The following PCSK6 variants were observed in gnomAD, a reference collection of about 807,000 sequenced individuals.
PCSK6 encodes proprotein convertase subtilisin/kexin type 6.
A neutral mutation model predicts 123.3 loss-of-function variants in PCSK6; 85 were observed. That is an observed-to-expected ratio of 0.69 (90% confidence interval 0.58 to 0.83). PCSK6 has a LOEUF of 0.83. Ranked by LOEUF, PCSK6 falls within the 40% of genes least tolerant of loss-of-function variation. The pLI is 0.00. For missense variants in PCSK6, 1,191 were observed against 1,282.3 expected (o/e 0.93, Z 1.09); for synonymous variants, 508 against 516.0 (o/e 0.98, Z 0.21).
At chr15:101,374,053 C>T (rs938396749) in intron 11 of PCSK6, among the ~76,000 whole-genome samples, 11 of 152,178 alleles carry the variant, frequency 7.2e-5, no homozygotes, top group Non-Finnish European at 1.5e-5. Flanking sequence ...GGAGACCGTG[C>T]GTTGTTGAAG....
rs1442153415 is a variant in PCSK6 at position 101,361,553 on chromosome 15, C to T, written c.1858+4643G>A. Among the ~76,000 whole-genome samples, 7 of 152,186 alleles carry T rather than the reference C, an allele frequency of 4.6e-5. No individual in the cohort carries two copies. In the East Asian group the frequency reaches 1.4e-3, roughly 29 times the overall value. On this transcript the variant is annotated intron_variant, in intron 13 of 21. Coordinates refer to ENST00000611716, the MANE Select transcript of PCSK6 (RefSeq NM_002570.5). Reference sequence around the variant, plus strand: ...AAGGAGGGAGCAGCACGTGCCAAGGCCCCATGGAGGTAAGACCAGGCATGT... The same window carrying T: ...AAGGAGGGAGCAGCACGTGCCAAGGTCCCATGGAGGTAAGACCAGGCATGT...
rs1178117284 is a variant in PCSK6 at position 101,334,244 on chromosome 15, A to C, written c.1859-2213T>G. ...CTCACCGCTGCAGCAGTGACACAGGAAGTTGTTCTCACCGCTGCAGCAGTG... is the reference window on the plus strand; with the variant it reads ...CTCACCGCTGCAGCAGTGACACAGGCAGTTGTTCTCACCGCTGCAGCAGTG... On this transcript the variant is annotated intron_variant, in intron 13 of 21. Coordinates refer to ENST00000611716, the MANE Select transcript of PCSK6 (RefSeq NM_002570.5). 8 of 130,616 alleles carry C rather than the reference A, an allele frequency of 6.1e-5. No individual in the cohort carries two copies. The Admixed American group carries it at 6.1e-4, about 10-fold the overall frequency. The allele number at this position is 130,616 out of a possible 1,614,324, so 8.1% of individuals were successfully genotyped here. A position where few individuals can be genotyped will look rare whatever the true frequency, so the allele number is the denominator to read the frequency against.
chr15:101,333,565 A>G (rs987482125), intron 13 of PCSK6, among the ~76,000 whole-genome samples: 6 of 152,202 alleles, frequency 3.9e-5, no homozygotes, highest in African/African-American at 1.4e-4. Flanking sequence ...TTTTCTCAAC[A>G]CTTACCTCTG....
intron 18 of PCSK6, among the ~76,000 whole-genome samples, chr15:101,320,777 A>G (rs1348877853): frequency 6.6e-6 from 1 of 152,220 alleles, no homozygotes; most frequent in Non-Finnish European, 1.5e-5. Context: ...TGCAGTGATT[A>G]GAAGTCACAG....
At chr15:101,357,666 C>T (rs1366699518) in intron 13 of PCSK6, among the ~76,000 whole-genome samples, 2 of 152,244 alleles carry the variant, frequency 1.3e-5, no homozygotes, top group African/African-American at 4.8e-5. Context: ...CCTGGCGTGG[C>T]CTCACAGGCA....
At chr15:101,432,309 A>C (rs2056471237) in intron 2 of PCSK6, among the ~76,000 whole-genome samples, 1 of 152,090 alleles carries the variant, frequency 6.6e-6, no homozygotes, top group Non-Finnish European at 1.5e-5. Context: ...AAGAAATAAC[A>C]CCACTCTGAT....
At chr15:101,476,524 CA>C (rs3031709) in intron 1 of PCSK6, among the ~76,000 whole-genome samples, 14 of 138,564 alleles carry the variant, frequency 1.0e-4, no homozygotes, top group African/African-American at 1.6e-4. Context: ...TAGGTAGGTC[CA>C]AAAAAAAAAA....
At chr15:101,327,941 T>C (rs1384563) in intron 15 of PCSK6, among the ~76,000 whole-genome samples, 152,280 of 152,286 alleles carry the variant, frequency 1, 76,137 homozygotes, top group Middle Eastern at 1. Context: ...CAGATGCCAC[T>C]CACCATTTCT....
intron 13 of PCSK6, among the ~76,000 whole-genome samples, chr15:101,332,479 T>C (rs2040392521): frequency 6.6e-6 from 1 of 152,118 alleles, no homozygotes; most frequent in South Asian, 2.1e-4. Flanking sequence ...CATCCAAGTG[T>C]GATAACTGGG....
At chr15:101,458,904 C>T (rs969041695) in intron 1 of PCSK6, among the ~76,000 whole-genome samples, 1 of 152,188 alleles carries the variant, frequency 6.6e-6, no homozygotes, top group Admixed American at 6.5e-5. Flanking sequence ...AACAAACTGC[C>T]TTCCATTTCA....
rs370943476 is a variant in PCSK6 at position 101,488,409 on chromosome 15, G to A, written c.297+965C>T. ...TTGAGAGAGGAAAAAGGGACCCGCCGGGAGGTCCTTTGAGGGTAATGCCGC... is the reference window on the plus strand; with the variant it reads ...TTGAGAGAGGAAAAAGGGACCCGCCAGGAGGTCCTTTGAGGGTAATGCCGC... On this transcript the variant is annotated intron_variant, in intron 1 of 21. Coordinates refer to ENST00000611716, the MANE Select transcript of PCSK6 (RefSeq NM_002570.5). Among the ~76,000 whole-genome samples, 9 of 152,306 alleles carry A rather than the reference G, an allele frequency of 5.9e-5. No individual in the cohort carries two copies. In the East Asian group the frequency reaches 1.2e-3, roughly 20 times the overall value.
chr15:101,381,011 C>T (rs982697263), intron 11 of PCSK6, among the ~76,000 whole-genome samples: 8 of 151,990 alleles, frequency 5.3e-5, no homozygotes, highest in Admixed American at 5.2e-4. Flanking sequence ...ATTTCCTCTC[C>T]TAGTGGGCTA....
chr15:101,455,005 C>T (rs768340702), intron 1 of PCSK6, among the ~76,000 whole-genome samples: 13 of 148,462 alleles, frequency 8.8e-5, no homozygotes, highest in Middle Eastern at 3.5e-3. Context: ...TAAAAGGGTA[C>T]AGAGTTTCAG....
intron 10 of PCSK6, chr15:101,383,995 T>G: frequency 1.9e-6 from 1 of 533,528 alleles, no homozygotes; most frequent in Non-Finnish European, 2.4e-6. Flanking sequence ...TCAACTTCCC[T>G]AGTAGCTGCG....
At chr15:101,439,718 T>A (rs988912849) in intron 2 of PCSK6, among the ~76,000 whole-genome samples, 1 of 152,256 alleles carries the variant, frequency 6.6e-6, no homozygotes, top group African/African-American at 2.4e-5. Flanking sequence ...ATTGCATCAC[T>A]GCTGGAAGGA....
At chr15:101,409,450 T>C (rs897700614) in intron 6 of PCSK6, among the ~76,000 whole-genome samples, 2 of 151,868 alleles carry the variant, frequency 1.3e-5, no homozygotes, top group Non-Finnish European at 2.9e-5. Context: ...CCGGGCGCGG[T>C]GGCGGGCGCC....
chr15:101,431,536 C>G, intron 3 of PCSK6, 73 bp from the exon 4 acceptor site: 1 of 1,589,442 alleles, frequency 6.3e-7, no homozygotes, highest in Non-Finnish European at 8.6e-7. Context: ...CGGTGCACAC[C>G]CCACAGGGAG....
intron 1 of PCSK6, among the ~76,000 whole-genome samples, chr15:101,485,842 A>G (rs2058007489): frequency 6.6e-6 from 1 of 152,190 alleles, no homozygotes; most frequent in South Asian, 2.1e-4. Flanking sequence ...CATATTCCAC[A>G]TTAAATCTTG....
intron 1 of PCSK6, among the ~76,000 whole-genome samples, chr15:101,456,914 T>C (rs1053595024): frequency 5.3e-5 from 8 of 152,122 alleles, no homozygotes; most frequent in African/African-American, 1.9e-4. Context: ...CAGTGGCTCA[T>C]GCCTGTAATC....
Sources: allele counts gnomAD v4.1 joint callset (sites outside exome capture counted in the v4.1 genomes callset), GRCh38; gene constraint gnomAD v4.1.1; transcripts MANE v1.5; gene names NCBI Gene and HGNC (gene_info 2026-07-23, HGNC 2026-07-21).